The following HUNK variants were observed in gnomAD, a reference collection of about 807,000 sequenced individuals.
HUNK encodes the protein hormonally up-regulated neu tumor-associated kinase.
A neutral mutation model predicts 61.0 loss-of-function variants in HUNK; 21 were observed. The ratio of observed to expected loss-of-function variants is 0.34; its 90% CI spans 0.24 to 0.50. HUNK has a LOEUF of 0.50. Ranked by LOEUF, HUNK falls within the 20% of genes least tolerant of loss-of-function variation. The pLI is 0.98. For synonymous variants in HUNK, 371 were observed against 386.1 expected (o/e 0.96, Z 0.46); for missense variants, 772 against 945.7 (o/e 0.82, Z 2.41).
chr21:31,969,563 CTT>C (rs890502452), intron 6 of HUNK, among the ~76,000 whole-genome samples: 1 of 151,596 alleles, frequency 6.6e-6, no homozygotes, highest in African/African-American at 2.4e-5. Flanking sequence ...AAACATTTCT[CTT>C]TTTTCTTTTT....
chr21:31,997,300 C>T (rs1010464498), intron 10 of HUNK, among the ~76,000 whole-genome samples: 8 of 152,178 alleles, frequency 5.3e-5, no homozygotes, highest in East Asian at 3.9e-4. Flanking sequence ...GAGACAGAAA[C>T]CATGGGGATC....
intron 1 of HUNK, among the ~76,000 whole-genome samples, chr21:31,905,815 AGTGTGTG>A (rs2123802345): frequency 6.6e-6 from 1 of 152,298 alleles, no homozygotes; most frequent in South Asian, 2.1e-4. Context: ...CCCGATGTTT[AGTGTGTG>A]ATTTAGTGGG....
chr21:31,914,286 A>G (rs112029173), intron 1 of HUNK, among the ~76,000 whole-genome samples: 1 of 151,874 alleles, frequency 6.6e-6, no homozygotes, highest in Non-Finnish European at 1.5e-5. Flanking sequence ...TCATTCCTGT[A>G]ATCTCAGCTA....
intron 7 of HUNK, among the ~76,000 whole-genome samples, chr21:31,979,515 CTTTTTTTTTT>C (rs71193166): frequency 2.3e-4 from 8 of 34,296 alleles, no homozygotes; most frequent in African/African-American, 4.7e-4. Flanking sequence ...TGTTTGCATT[CTTTTTTTTTT>C]TTTTTTTTTT....
At chr21:31,901,126 T>TTAATTACATCTGCAATGAC (rs2123799441) in intron 1 of HUNK, among the ~76,000 whole-genome samples, 1 of 152,312 alleles carries the variant, frequency 6.6e-6, no homozygotes, top group Non-Finnish European at 1.5e-5. Flanking sequence ...GTCGTCTTAA[T>TTAATTACATCTGCAATGAC]TAATTACATC....
In HUNK at chr21:31,924,629, G is replaced by A. The variant is rs914540613; in HGVS notation, c.423G>A (p.Glu141=). The part of the protein sequence containing the change: ...ETENSYYLVM[E]LCPGGNLMHK... ...AAAACAGCTACTACCTGGTCATGGA[G>A]CTGTGCCCTGGGGGCAACCTGATGC... Residue 141 remains glutamate, a synonymous_variant, in exon 2 of 11, where the codon GAG becomes GAA. Coordinates refer to ENST00000270112, the MANE Select transcript of HUNK (RefSeq NM_014586.2). This position sits in a 1 kb window ranked among gnomAD's most constrained non-coding sequence, Gnocchi z 5.1. The A allele has an allele frequency of 6.2e-7, 1 of 1,614,222 alleles. No individual in the cohort carries two copies. Among genetic ancestry groups the A allele is most frequent in the Non-Finnish European group, 8.5e-7 (1 of 1,180,036 alleles).
chr21:31,974,653 G>A lies in HUNK; in HGVS notation c.1109G>A (p.Arg370His), dbSNP rs62221640. 4 of 1,613,952 alleles carry A rather than the reference G, an allele frequency of 2.5e-6. No homozygotes were observed. The highest frequency in any genetic ancestry group is 2.2e-5 in the East Asian group (1 of 44,858). The change falls in exon 7 of 11, where the codon CGC becomes CAC. Residue 370 changes from arginine (R) to histidine (H), a missense_variant. Arg to His is a conservative substitution (Grantham distance 29). Coordinates refer to ENST00000270112, the MANE Select transcript of HUNK (RefSeq NM_014586.2). ...GTGATCAACACTGTGCTCTCCAACC[G>A]CGCCTGCCACATCCTGGCCATCTAC... ...SDVINTVLSN[R>H]ACHILAIYFL...
intron 1 of HUNK, among the ~76,000 whole-genome samples, chr21:31,914,404 G>T (rs2052567546): frequency 1.5e-5 from 1 of 65,708 alleles, no homozygotes. Context: ...GTGAAACTCT[G>T]TCTCAAAAAA....
intron 8 of HUNK, among the ~76,000 whole-genome samples, chr21:31,985,106 C>T (rs2053123883): frequency 6.6e-6 from 1 of 152,148 alleles, no homozygotes; most frequent in Admixed American, 6.5e-5. Context: ...CAGTGATCTC[C>T]ACCTGTCCCC....
At chr21:31,990,406 C>G in intron 9 of HUNK, among the ~76,000 whole-genome samples, 1 of 150,252 alleles carries the variant, frequency 6.7e-6, no homozygotes. Flanking sequence ...ATTTCTTTTG[C>G]CAGAAGACCT....
rs140970937 is a variant in HUNK at position 31,998,779 on chromosome 21, C to T, written c.1740C>T (p.Tyr580=). The change falls in exon 11 of 11, where the codon TAC becomes TAT. Residue 580 remains tyrosine, a synonymous_variant. Coordinates refer to ENST00000270112, the MANE Select transcript of HUNK (RefSeq NM_014586.2). ...AAGTGCTGTCTCCCTCTCATCACTA[C>T]AGGATTCTGAACTCCCCGGTCAGCT... ...HVEVLSPSHH[Y]RILNSPVSLA... 70 of 1,614,202 alleles carry T rather than the reference C, an allele frequency of 4.3e-5. No individual in the cohort carries two copies. In the African/African-American group the frequency reaches 8.1e-4, roughly 19 times the overall value.
Position 31,983,610 on chromosome 21 carries a change from G to C in HUNK, c.1257+1G>C, listed in dbSNP as rs1438958292. On this transcript the variant is annotated splice_donor_variant, in intron 8 of 10. Transcript: ENST00000270112. LOFTEE classifies it high-confidence loss of function. Reference sequence around the variant, plus strand: ...CAGGGCCCCCAAGGAGTCCTATGAGGTGAGTGACCCCTGAAGCAAACCTCA... The same window carrying C: ...CAGGGCCCCCAAGGAGTCCTATGAGCTGAGTGACCCCTGAAGCAAACCTCA... The C allele has an allele frequency of 6.2e-7, 1 of 1,610,072 alleles. No homozygotes were observed. Among genetic ancestry groups the C allele is most frequent in the Non-Finnish European group, 8.5e-7 (1 of 1,176,912 alleles).
intron 4 of HUNK, among the ~76,000 whole-genome samples, chr21:31,954,083 CAG>C (rs1008178789): frequency 3.3e-5 from 5 of 152,172 alleles, no homozygotes; most frequent in African/African-American, 1.2e-4. Context: ...TTTGGTGTCT[CAG>C]GGTCTCCTTC....
chr21:31,917,691 A>AAC lies in HUNK; in HGVS notation c.262-6775_262-6774dup, dbSNP rs1323303977. Among the ~76,000 whole-genome samples the AAC allele has an allele frequency of 3.9e-3, 214 of 54,636 alleles. 4 individuals carry two copies. The highest frequency in any genetic ancestry group is 7.9e-3 in the African/African-American group (134 of 17,070). The allele number at this position is 54,636 out of a possible 152,430, so 35.8% of individuals were successfully genotyped here. A position where few individuals can be genotyped will look rare whatever the true frequency, so the allele number is the denominator to read the frequency against. On this transcript the variant is annotated intron_variant, in intron 1 of 10. Transcript: ENST00000270112. ...TACCCTCCTGAAACTCCCATTCCCA[A>AAC]ACATACACACACACACACACACACA...
chr21:31,918,304 C>T (rs2052599719), intron 1 of HUNK, among the ~76,000 whole-genome samples: 1 of 152,152 alleles, frequency 6.6e-6, no homozygotes, highest in Admixed American at 6.5e-5. Context: ...AATAGGAAAC[C>T]TTCTCCAAGG....
At chr21:31,990,204 G>A (rs933927586) in intron 9 of HUNK, 28 bp downstream of exon 9, 4 of 1,596,472 alleles carry the variant, frequency 2.5e-6, no homozygotes, top group Non-Finnish European at 3.4e-6. Context: ...TATTATGTTA[G>A]TCAGGGTTCT....
chr21:31,991,526 C>T (rs1406642170), intron 9 of HUNK, among the ~76,000 whole-genome samples: 1 of 152,190 alleles, frequency 6.6e-6, no homozygotes, highest in Non-Finnish European at 1.5e-5. Context: ...GCCCAAAGCC[C>T]TCTTTTTATC....
rs189529558 is a variant in HUNK at position 31,908,452 on chromosome 21, C to T, written c.262-16016C>T. 2.2e-3 allele frequency among the ~76,000 whole-genome samples: 335 copies of T among 151,692 alleles called. 1 individual carries two copies. Among genetic ancestry groups the T allele is most frequent in the Non-Finnish European group, 3.6e-3 (243 of 67,932 alleles). On this transcript the variant is annotated intron_variant, in intron 1 of 10. Transcript: ENST00000270112. ...GGGTGGTGGCCAGGAAGGAACCTTT[C>T]GGAGGAGACTTGGCAATCCATCGTA...
At chr21:31,953,810 A>T (rs1322339153) in intron 4 of HUNK, among the ~76,000 whole-genome samples, 4 of 152,018 alleles carry the variant, frequency 2.6e-5, no homozygotes, top group Non-Finnish European at 2.9e-5. Context: ...TTTTTCATTG[A>T]TGATAAATTC....
Sources: allele counts gnomAD v4.1 joint callset (sites outside exome capture counted in the v4.1 genomes callset), GRCh38; gene constraint gnomAD v4.1.1; non-coding constraint Gnocchi (gnomAD v3.1); transcripts MANE v1.5; gene names NCBI Gene and HGNC (gene_info 2026-07-23, HGNC 2026-07-21).